FBXW7: variants seen among roughly 807,000 people sequenced by gnomAD.
FBXW7 encodes F-box and WD repeat domain containing 7.
In FBXW7, 11 loss-of-function variants were observed where a neutral mutation model predicts 86.3. That is an observed-to-expected ratio of 0.13 (90% confidence interval 0.08 to 0.21). FBXW7 has a LOEUF of 0.21. FBXW7 is among the 10% of genes least tolerant of loss of function. FBXW7 has a pLI of 1.00. For missense variants in FBXW7, 488 were observed against 847.4 expected, an observed-to-expected ratio of 0.58 and a Z score of 5.27; for synonymous variants, 313 against 297.9, an observed-to-expected ratio of 1.05 and a Z score of -0.52.
chr4:152,440,182 T>A (rs538797256), intron 2 of FBXW7, among the ~76,000 whole-genome samples: 7 of 152,216 alleles, frequency 4.6e-5, no homozygotes, highest in African/African-American at 1.4e-4. Context: ...TGGTATATAC[T>A]ATGTCTTCTA....
chr4:152,350,876 C>T (rs1731749151), intron 4 of FBXW7, among the ~76,000 whole-genome samples: 1 of 151,832 alleles, frequency 6.6e-6, no homozygotes, highest in Admixed American at 6.6e-5. Context: ...TAAGGTGTAT[C>T]CAAAATCTAC....
intron 2 of FBXW7, among the ~76,000 whole-genome samples, chr4:152,520,410 G>A (rs956939036): frequency 6.7e-5 from 10 of 149,628 alleles, no homozygotes; most frequent in Non-Finnish European, 1.5e-4. Context: ...TCCGCAGTCC[G>A]GCCTGGGCGA....
chr4:152,505,883 G>C (rs1361622491), intron 2 of FBXW7, among the ~76,000 whole-genome samples: 1 of 151,654 alleles, frequency 6.6e-6, no homozygotes, highest in African/African-American at 2.4e-5. Context: ...CAGGATTACA[G>C]ACGTGCACCA....
At chr4:152,438,793 G>A (rs1159798028) in intron 2 of FBXW7, among the ~76,000 whole-genome samples, 4 of 152,188 alleles carry the variant, frequency 2.6e-5, no homozygotes, top group Admixed American at 6.5e-5. Context: ...GGAGATGTGC[G>A]TGGACTTATT....
intron 2 of FBXW7, among the ~76,000 whole-genome samples, chr4:152,465,076 T>G (rs191767410): frequency 0.014 from 2,078 of 152,248 alleles, 27 homozygotes; most frequent in Middle Eastern, 0.037. Context: ...GGTGTATTAT[T>G]GGTCAGCAGA....
chr4:152,400,051 T>C (rs1736777127), intron 4 of FBXW7, among the ~76,000 whole-genome samples: 1 of 152,166 alleles, frequency 6.6e-6, no homozygotes, highest in Admixed American at 6.6e-5. Flanking sequence ...ACTTCAAGGC[T>C]TACTATAAAG....
intron 4 of FBXW7, among the ~76,000 whole-genome samples, chr4:152,372,668 TA>T (rs1337334747): frequency 2.0e-5 from 3 of 152,112 alleles, no homozygotes; most frequent in South Asian, 2.1e-4. Flanking sequence ...ATTTTTAGCA[TA>T]TTTTTCATCT....
chr4:152,405,588 T>C (rs1428917732), intron 4 of FBXW7, among the ~76,000 whole-genome samples: 1 of 152,196 alleles, frequency 6.6e-6, no homozygotes, highest in African/African-American at 2.4e-5. Context: ...ACTCATCCAA[T>C]TATTCATACT....
intron 2 of FBXW7, among the ~76,000 whole-genome samples, chr4:152,522,174 G>A (rs907066793): frequency 1.3e-5 from 2 of 151,970 alleles, no homozygotes; most frequent in African/African-American, 4.8e-5. Flanking sequence ...TTAAGTGTAC[G>A]TTTGACTTTA....
intron 4 of FBXW7, among the ~76,000 whole-genome samples, chr4:152,370,021 C>T (rs1733869674): frequency 6.6e-6 from 1 of 151,912 alleles, no homozygotes; most frequent in African/African-American, 2.4e-5. Flanking sequence ...CTAACAGTAA[C>T]ACAGATTTTT....
At chr4:152,472,595 G>A (rs919552205) in intron 2 of FBXW7, among the ~76,000 whole-genome samples, 2 of 151,988 alleles carry the variant, frequency 1.3e-5, no homozygotes, top group African/African-American at 4.8e-5. Context: ...AAAAAGCCAA[G>A]CTAATCTCTA....
intron 4 of FBXW7, among the ~76,000 whole-genome samples, chr4:152,408,731 A>G (rs374038252): frequency 1.3e-5 from 2 of 152,174 alleles, no homozygotes; most frequent in East Asian, 1.9e-4. Context: ...ATTCAACCAT[A>G]GGGGGCAGCA....
At chr4:152,483,570 C>T (rs1191788347) in intron 2 of FBXW7, among the ~76,000 whole-genome samples, 1 of 151,952 alleles carries the variant, frequency 6.6e-6, no homozygotes, top group Non-Finnish European at 1.5e-5. Context: ...GAAACAGTGG[C>T]ACACATAGTC....
intron 4 of FBXW7, among the ~76,000 whole-genome samples, chr4:152,371,598 C>T (rs976425487): frequency 6.6e-6 from 1 of 151,918 alleles, no homozygotes; most frequent in Admixed American, 6.6e-5. Context: ...AACTATAATA[C>T]AAATTATCAC....
At chr4:152,522,404 T>A (rs1486289404) in intron 2 of FBXW7, among the ~76,000 whole-genome samples, 2 of 152,242 alleles carry the variant, frequency 1.3e-5, no homozygotes, top group Non-Finnish European at 2.9e-5. Flanking sequence ...GTCTGTCTTT[T>A]AAAATGAATG....
chr4:152,407,770 G>A (rs1044714350), intron 4 of FBXW7, among the ~76,000 whole-genome samples: 1 of 151,998 alleles, frequency 6.6e-6, no homozygotes, highest in South Asian at 2.1e-4. Context: ...TTGCTCTGTG[G>A]CCCAGATCAC....
intron 11 of FBXW7, among the ~76,000 whole-genome samples, chr4:152,327,351 A>G (rs1258952363): frequency 6.6e-6 from 1 of 151,996 alleles, no homozygotes. Flanking sequence ...TTCTTAATAA[A>G]GAAGATGCGA....
At chr4:152,444,105 C>T (rs1465644230) in intron 2 of FBXW7, among the ~76,000 whole-genome samples, 1 of 151,976 alleles carries the variant, frequency 6.6e-6, no homozygotes, top group East Asian at 1.9e-4. Flanking sequence ...TGTTAGGTTA[C>T]ACTACATGAA....
chr4:152,422,125 T>C (rs992199278), intron 2 of FBXW7, among the ~76,000 whole-genome samples: 3 of 152,108 alleles, frequency 2.0e-5, no homozygotes, highest in African/African-American at 4.8e-5. Context: ...AACCATGGTG[T>C]GCCTATATAG....
Sources: gnomAD v4.1 joint callset for allele counts (sites outside exome capture counted in the v4.1 genomes callset) on GRCh38, gnomAD v4.1.1 for gene constraint, MANE v1.5 for transcripts, NCBI Gene and HGNC (gene_info 2026-07-23, HGNC 2026-07-21) for gene names.